The following BICRAL variants were observed in gnomAD, a reference collection of about 807,000 sequenced individuals.
BICRAL encodes the protein BICRA like chromatin remodeling complex associated protein.
Under a neutral mutation model 91.8 loss-of-function variants are expected in BICRAL, and 8 were observed. The observed-to-expected ratio is 0.09, with a 90% confidence interval of 0.05 to 0.16. The LOEUF is 0.16. Ranked by LOEUF, BICRAL falls within the 10% of genes least tolerant of loss-of-function variation. The pLI is 1.00. For synonymous variants in BICRAL, 445 were observed against 491.1 expected (o/e 0.91, Z 1.24); for missense variants, 1,038 against 1,310.9 (o/e 0.79, Z 3.21).
chr6:42,858,492 G>T (rs1443848797), intron 10 of BICRAL, among the ~76,000 whole-genome samples: 18 of 142,660 alleles, frequency 1.3e-4, no homozygotes, highest in Non-Finnish European at 2.4e-4. Context: ...CTCCAGCCTG[G>T]ATAACAGAGC....
At chr6:42,801,346 G>A (rs1048949103) in intron 1 of BICRAL, among the ~76,000 whole-genome samples, 3 of 151,884 alleles carry the variant, frequency 2.0e-5, no homozygotes, top group African/African-American at 4.8e-5. Flanking sequence ...CATACATAGG[G>A]ACCAGAATAT....
chr6:42,844,489 A>ACG (rs1454460131), intron 6 of BICRAL, among the ~76,000 whole-genome samples: 1 of 131,452 alleles, frequency 7.6e-6, no homozygotes, highest in Non-Finnish European at 1.6e-5. Context: ...AGCGTGGGCT[A>ACG]CAGAGCAAGA....
At chr6:42,753,513 G>A (rs1762412675) in intron 1 of BICRAL, among the ~76,000 whole-genome samples, 1 of 152,156 alleles carries the variant, frequency 6.6e-6, no homozygotes, top group African/African-American at 2.4e-5. Context: ...AAGCACGTAA[G>A]GGTCCTGGAA....
intron 1 of BICRAL, among the ~76,000 whole-genome samples, chr6:42,783,530 G>C (rs1206225281): frequency 6.6e-6 from 1 of 152,032 alleles, no homozygotes; most frequent in East Asian, 1.9e-4. Context: ...CTCGCGGCGC[G>C]GGCGGCGCCC....
At chr6:42,821,954 C>A in intron 2 of BICRAL, 64 bp from the exon 3 acceptor site, 1 of 942,108 alleles carries the variant, frequency 1.1e-6, no homozygotes, top group Non-Finnish European at 1.7e-6. Context: ...TTTTGTATTG[C>A]ATTGATACTA....
At chr6:42,823,629 A>T (rs899150697) in intron 5 of BICRAL, among the ~76,000 whole-genome samples, 3 of 152,240 alleles carry the variant, frequency 2.0e-5, no homozygotes, top group Non-Finnish European at 4.4e-5. Flanking sequence ...CTCTATTTTT[A>T]AAAAATAAAA....
At chr6:42,756,220 G>A (rs908785653) in intron 1 of BICRAL, among the ~76,000 whole-genome samples, 3 of 152,088 alleles carry the variant, frequency 2.0e-5, no homozygotes, top group Non-Finnish European at 4.4e-5. Context: ...TATTTGAAAC[G>A]GAAATTGCCC....
chr6:42,772,912 A>G (rs959651658), intron 1 of BICRAL, among the ~76,000 whole-genome samples: 18 of 152,166 alleles, frequency 1.2e-4, no homozygotes, highest in African/African-American at 4.3e-4. Flanking sequence ...TTTGCTGAAA[A>G]TGAACTGGCA....
intron 8 of BICRAL, among the ~76,000 whole-genome samples, chr6:42,855,196 A>G (rs1354663766): frequency 2.0e-5 from 3 of 152,216 alleles, no homozygotes; most frequent in African/African-American, 7.2e-5. Context: ...TACACTGAGA[A>G]GATGGATTAG....
chr6:42,825,292 C>T (rs1446244850), intron 5 of BICRAL, among the ~76,000 whole-genome samples: 12 of 141,916 alleles, frequency 8.5e-5, no homozygotes, highest in Admixed American at 7.2e-4. Context: ...TGGCTGGGCG[C>T]GGTGGCTCAC....
intron 1 of BICRAL, among the ~76,000 whole-genome samples, chr6:42,766,264 C>T (rs1482211899): frequency 6.6e-6 from 1 of 152,164 alleles, no homozygotes; most frequent in Non-Finnish European, 1.5e-5. Context: ...AGAGCTGGGG[C>T]TTTTCCACAA....
chr6:42,779,223 A>AACACACACACAC (rs57493144), upstream of BICRAL, among the ~76,000 whole-genome samples: 6 of 132,524 alleles, frequency 4.5e-5, no homozygotes, highest in Admixed American at 7.8e-5. Context: ...TCTCAAGAAA[A>AACACACACACAC]ACACACACAC....
At chr6:42,755,612 A>C (rs939439208) in intron 1 of BICRAL, among the ~76,000 whole-genome samples, 2 of 150,754 alleles carry the variant, frequency 1.3e-5, no homozygotes, top group Non-Finnish European at 3.0e-5. Context: ...AGCTCCCACC[A>C]GGGTTCTCTG....
At chr6:42,788,061 C>G (rs1350975136) in intron 1 of BICRAL, among the ~76,000 whole-genome samples, 2 of 150,716 alleles carry the variant, frequency 1.3e-5, no homozygotes, top group Non-Finnish European at 3.0e-5. Context: ...TGTAACCCAA[C>G]TAATTAAAAA....
chr6:42,766,620 C>T (rs1451783644), intron 1 of BICRAL, among the ~76,000 whole-genome samples: 7 of 151,966 alleles, frequency 4.6e-5, no homozygotes, highest in Admixed American at 6.6e-5. Flanking sequence ...GGGTGGATCA[C>T]TTGAGGTTAG....
chr6:42,791,606 C>A (rs997023705), intron 1 of BICRAL, among the ~76,000 whole-genome samples: 3 of 151,976 alleles, frequency 2.0e-5, no homozygotes, highest in Non-Finnish European at 4.4e-5. Flanking sequence ...TGTTTGAGAC[C>A]CTGATGGGTT....
In BICRAL at chr6:42,866,789, T is replaced by G. The variant is rs1765719499; in HGVS notation, c.*1343T>G. On this transcript the variant is annotated 3_prime_UTR_variant, in exon 13 of 13. Coordinates refer to ENST00000314073, the MANE Select transcript of BICRAL (RefSeq NM_001393499.1). ...TCTTGTCAGGGAGTATTCTCCGTTTTCCTTTCTCGTATACCTGCCCCAGGT... is the reference window on the plus strand; with the variant it reads ...TCTTGTCAGGGAGTATTCTCCGTTTGCCTTTCTCGTATACCTGCCCCAGGT... The G allele has an allele frequency of 2.2e-6, 1 of 456,372 alleles. No individual in the cohort carries two copies. The highest frequency in any genetic ancestry group is 4.4e-6 in the Non-Finnish European group (1 of 226,796). The allele number at this position is 456,372 out of a possible 1,614,324, so 28.3% of individuals were successfully genotyped here.
intron 2 of BICRAL, among the ~76,000 whole-genome samples, chr6:42,815,457 G>C (rs569154737): frequency 7.9e-5 from 12 of 152,066 alleles, no homozygotes; most frequent in African/African-American, 2.9e-4. Flanking sequence ...CTCCCAAATT[G>C]TTGGGATTAC....
intron 6 of BICRAL, among the ~76,000 whole-genome samples, chr6:42,834,317 C>T (rs970018057): frequency 2.0e-5 from 3 of 152,162 alleles, no homozygotes; most frequent in Non-Finnish European, 4.4e-5. Context: ...AGATGTTGTC[C>T]TTCAGGTTTC....
Sources: allele counts gnomAD v4.1 joint callset (sites outside exome capture counted in the v4.1 genomes callset), GRCh38; gene constraint gnomAD v4.1.1; transcripts MANE v1.5; gene names NCBI Gene and HGNC (gene_info 2026-07-23, HGNC 2026-07-21).